Variants in TIMM44 observed in about 807,000 individuals in gnomAD.
TIMM44 encodes translocase of inner mitochondrial membrane 44.
In TIMM44, 37 loss-of-function variants were observed where a neutral mutation model predicts 63.8. The observed-to-expected ratio is 0.58, with a 90% CI of 0.45 to 0.76. The LOEUF is 0.76. Ranked by LOEUF, TIMM44 falls within the 30% of genes least tolerant of loss-of-function variation. The pLI, the probability that TIMM44 is intolerant of heterozygous loss-of-function variation, is 0.00. For synonymous variants in TIMM44, 239 were observed against 245.1 expected (o/e 0.98, Z 0.23); for missense variants, 573 against 603.8 (o/e 0.95, Z 0.54).
At chr19:7,928,293 A>G (rs1983877555) in intron 10 of TIMM44, 127 bp from the exon 11 acceptor site, 1 of 763,560 alleles carries the variant, frequency 1.3e-6, no homozygotes, top group Non-Finnish European at 2.2e-6. Context: ...AGAGGCCAAG[A>G]ACCCAGGTCC....
At chr19:7,935,829 A>C (rs1305712640) in intron 3 of TIMM44, among the ~76,000 whole-genome samples, 1 of 151,986 alleles carries the variant, frequency 6.6e-6, no homozygotes, top group Non-Finnish European at 1.5e-5. Flanking sequence ...TCCCACTCCA[A>C]ACTCAGCCTG....
Position 7,937,974 on chromosome 19 carries a change from C to T in TIMM44, c.312+53G>A, listed in dbSNP as rs1984202183. ...TGGAGGTTGCAGTGAGCCGAGATCG[C>T]ACCACTACTCTCCAGCCTGGGTGAG... On this transcript the variant is annotated intron_variant, in intron 3 of 12. Coordinates refer to ENST00000270538, the MANE Select transcript of TIMM44 (RefSeq NM_006351.4). The T allele has an allele frequency of 1.9e-6, 3 of 1,606,642 alleles. No homozygotes were observed. In the Admixed American group the frequency reaches 5.0e-5, roughly 27 times the overall value.
chr19:7,926,857 G>C lies in TIMM44; in HGVS notation c.*330C>G, dbSNP rs978705131. 3 of 378,134 alleles carry C rather than the reference G, an allele frequency of 7.9e-6. No homozygotes were observed. The highest frequency in any genetic ancestry group is 1.5e-5 in the Non-Finnish European group (3 of 199,012). The allele number at this position is 378,134 out of a possible 1,614,324, so 23.4% of individuals were successfully genotyped here. A position where few individuals can be genotyped will look rare whatever the true frequency, so the allele number is the denominator to read the frequency against. Reference sequence around the variant, plus strand: ...GCGGGCCACTGAGCCGCGGGTCCCGGGTCCCACCCTGCTGTGGGGGGAGTC... The same window carrying C: ...GCGGGCCACTGAGCCGCGGGTCCCGCGTCCCACCCTGCTGTGGGGGGAGTC... On this transcript the variant is annotated 3_prime_UTR_variant, in exon 13 of 13. Coordinates refer to ENST00000270538, the MANE Select transcript of TIMM44 (RefSeq NM_006351.4).
intron 2 of TIMM44, 46 bp from the exon 3 acceptor site, chr19:7,938,243 C>T: frequency 6.5e-7 from 1 of 1,530,396 alleles, no homozygotes; most frequent in East Asian, 2.3e-5. Flanking sequence ...CATAGTAGAA[C>T]ATAGAATGAA....
chr19:7,927,502 C>T, intron 12 of TIMM44, 155 bp downstream of exon 12: 1 of 1,027,078 alleles, frequency 9.7e-7, no homozygotes, highest in Non-Finnish European at 1.5e-6. Flanking sequence ...TCTCCGACCT[C>T]CCTCAACCCC....
In TIMM44 at chr19:7,927,010, C is replaced by G. The variant is rs497445; in HGVS notation, c.*177G>C. ...TGCGGGGGAGTGTCTCCAGCTGCCG[C>G]GCACCCGCAACAGCCCGTTGTCCCC... On this transcript the variant is annotated 3_prime_UTR_variant, in exon 13 of 13. Transcript: ENST00000270538. 0.02 allele frequency: 17,405 copies of G among 882,322 alleles called. 1,913 individuals are homozygous for G. The African/African-American group carries it at 0.25, about 12-fold the overall frequency. 54.7% of individuals were successfully genotyped at this position (882,322 alleles called of 1,614,324 possible).
chr19:7,938,634 T>A (rs1984221574), intron 2 of TIMM44, among the ~76,000 whole-genome samples: 1 of 151,984 alleles, frequency 6.6e-6, no homozygotes, highest in Admixed American at 6.6e-5. Flanking sequence ...TGGTGAAACC[T>A]CATCTCTACT....
At chr19:7,932,966 C>A in intron 7 of TIMM44, 34 bp from the exon 8 acceptor site, 1 of 1,583,012 alleles carries the variant, frequency 6.3e-7, no homozygotes, top group Non-Finnish European at 8.7e-7. Context: ...GGAGAAGGGG[C>A]CCCTTCCAGA....
At position 7,927,166 on chromosome 19, in the gene TIMM44, T is replaced by C. The variant is rs1410606700; in HGVS notation, c.*21A>G. ...TGTGCCTGATGACCCAGGCCGGGGC[T>C]ACCTGGCTCCGGCACCACACTCAGA... is the stretch of plus-strand genomic sequence containing the variant. On this transcript the variant is annotated 3_prime_UTR_variant, in exon 13 of 13. Transcript: ENST00000270538. 2 of 1,600,436 alleles carry C rather than the reference T, an allele frequency of 1.2e-6. No individual in the cohort carries two copies. Among genetic ancestry groups the C allele is most frequent in the East Asian group, 2.2e-5 (1 of 44,620 alleles).
chr19:7,935,243 G>A (rs1369348666), intron 3 of TIMM44, 98 bp from the exon 4 acceptor site: 1 of 1,093,830 alleles, frequency 9.1e-7, no homozygotes, highest in Non-Finnish European at 1.3e-6. Context: ...TCGGCTCACT[G>A]CAACTTCCTC....
intron 3 of TIMM44, among the ~76,000 whole-genome samples, chr19:7,937,623 C>A (rs1032321339): frequency 1.3e-5 from 2 of 152,220 alleles, no homozygotes; most frequent in South Asian, 2.1e-4. Context: ...CACTTCCTCA[C>A]GAGCCACCCT....
Position 7,934,288 on chromosome 19 carries a change from G to A in TIMM44, c.394-50C>T, listed in dbSNP as rs767717520. ...GGCGTTGGCACCGGCCCTGGCGGCC[G>A]GGGGGCGGGGCAGGAGGAATGAATT... On this transcript the variant is annotated intron_variant, in intron 4 of 12. Coordinates refer to ENST00000270538, the MANE Select transcript of TIMM44 (RefSeq NM_006351.4). This position sits in a 1 kb window ranked among gnomAD's most constrained non-coding sequence, Gnocchi z 5.3. 23 of 1,592,974 alleles carry A rather than the reference G, an allele frequency of 1.4e-5. No individual in the cohort carries two copies. The highest frequency in any genetic ancestry group is 1.7e-4 in the Middle Eastern group (1 of 6,058).
chr19:7,934,409 G>A lies in TIMM44; in HGVS notation c.394-171C>T, dbSNP rs1041895819. ...GCACCCCCAGAGCCATGAGCACAAC[G>A]GCACCCCCAGAGCCACGAGCACACC... On this transcript the variant is annotated intron_variant, in intron 4 of 12. Transcript: ENST00000270538. This position sits in a 1 kb window ranked among gnomAD's most constrained non-coding sequence, Gnocchi z 5.3. Among the ~76,000 whole-genome samples the A allele has an allele frequency of 9.9e-5, 15 of 150,946 alleles. No homozygotes were observed. The highest frequency in any genetic ancestry group is 3.2e-4 in the African/African-American group (13 of 40,836).
rs1034723444 is a variant in TIMM44, at chr19:7,927,479, A to G, written c.1240-173T>C. On this transcript the variant is annotated intron_variant, in intron 12 of 12. Coordinates refer to ENST00000270538, the MANE Select transcript of TIMM44 (RefSeq NM_006351.4). Reference sequence around the variant, plus strand: ...AACCACTCAGCCTTGGTAAAAACAGACAGGTCTGCTGGTCTCCGACCTCCC... The same window carrying G: ...AACCACTCAGCCTTGGTAAAAACAGGCAGGTCTGCTGGTCTCCGACCTCCC... 11 of 1,027,528 alleles carry G rather than the reference A, an allele frequency of 1.1e-5. No homozygotes were observed. The African/African-American group carries it at 1.4e-4, about 13-fold the overall frequency. 63.7% of individuals were successfully genotyped at this position (1,027,528 alleles called of 1,614,324 possible).
In TIMM44 at chr19:7,931,219, C is replaced by T. The variant is rs137960811; in HGVS notation, c.988-31G>A. 143 of 1,604,250 alleles carry T rather than the reference C, an allele frequency of 8.9e-5. No homozygotes were observed. The African/African-American group carries it at 1.7e-3, about 19-fold the overall frequency. On this transcript the variant is annotated intron_variant, in intron 9 of 12. Transcript: ENST00000270538. The stretch of plus-strand genomic sequence containing the variant: ...AAGGAAGGGAAAATAAGCACCAGAA[C>T]GAGAGTGGGCTTTTCAGGCAGCAGG...
Position 7,933,568 on chromosome 19 carries a change from TCCCTGGGGAAGAGGGTGGG to T in TIMM44, c.684-17_685del, listed in dbSNP as rs1984048543. ...CTTGTGCAGCACGACCCCCAGGGCC[TCCCTGGGGAAGAGGGTGGG>T]CCCTGGGGTGAGCGGCGGCGCCAGG... On this transcript the variant is annotated splice_acceptor_variant and splice_polypyrimidine_tract_variant and coding_sequence_variant and intron_variant, in exon 7 of 13. Transcript: ENST00000270538. LOFTEE classifies it high-confidence loss of function. This position sits in a 1 kb window ranked among gnomAD's most constrained non-coding sequence, Gnocchi z 4.3. 1 of 1,612,786 alleles carries T rather than the reference TCCCTGGGGAAGAGGGTGGG, an allele frequency of 6.2e-7. No individual in the cohort carries two copies. The highest frequency in any genetic ancestry group is 2.2e-5 in the East Asian group (1 of 44,824).
At chr19:7,929,082 A>C (rs1983902922) in intron 10 of TIMM44, 1 of 152,254 alleles carries the variant, frequency 6.6e-6, no homozygotes, top group Admixed American at 6.5e-5. Flanking sequence ...ATTAGCCAAG[A>C]ACGATTCTGG....
chr19:7,939,020 A>G (rs1984230239), intron 2 of TIMM44, among the ~76,000 whole-genome samples: 1 of 97,938 alleles, frequency 1.0e-5, no homozygotes, highest in South Asian at 4.2e-4. Context: ...GTTTGGTAGG[A>G]AGAGGGTGAG....
intron 11 of TIMM44, 89 bp from the exon 12 acceptor site, chr19:7,927,856 G>C: frequency 7.2e-7 from 1 of 1,386,140 alleles, no homozygotes; most frequent in Non-Finnish European, 1.0e-6. Flanking sequence ...GGCCCTGCTA[G>C]GAGAAGGCTC....
Sources: allele counts gnomAD v4.1 joint callset (sites outside exome capture counted in the v4.1 genomes callset), GRCh38; gene constraint gnomAD v4.1.1; non-coding constraint Gnocchi (gnomAD v3.1); transcripts MANE v1.5; gene names NCBI Gene and HGNC (gene_info 2026-07-23, HGNC 2026-07-21).